Variants in SPMIP4 observed in about 807,000 individuals in gnomAD.
SPMIP4 encodes sperm microtubule inner protein 4, also known as sperm-associated microtubule inner protein 4.
At chr7:25,157,346 C>T in the SPMIP4 span, among the ~76,000 whole-genome samples, 2 of 152,120 alleles carry the variant, frequency 1.3e-5, no homozygotes, top group Non-Finnish European at 2.9e-5. Flanking sequence ...ATCCAGATGC[C>T]TTAAGTGTGG....
At chr7:25,148,575 T>C in the SPMIP4 span, among the ~76,000 whole-genome samples, 10 of 149,086 alleles carry the variant, frequency 6.7e-5, no homozygotes, top group African/African-American at 2.2e-4. Context: ...CCCGAGTTCA[T>C]GCGATTCTCC....
At chr7:25,176,294 T>C in the SPMIP4 span, among the ~76,000 whole-genome samples, 1 of 152,212 alleles carries the variant, frequency 6.6e-6, no homozygotes. The surrounding 1 kb of genome is among the most constrained non-coding windows in gnomAD (Gnocchi z 4.4). Flanking sequence ...CAGCCCTAAA[T>C]TCTTGGATTC....
At chr7:25,125,984 A>G in the SPMIP4 span, 1 of 984,152 alleles carries the variant, frequency 1.0e-6, no homozygotes, top group Non-Finnish European at 1.2e-6. Flanking sequence ...GGAACTGAAA[A>G]ATAAAATTAA....
the SPMIP4 span, among the ~76,000 whole-genome samples, chr7:25,168,943 T>C: frequency 6.7e-6 from 1 of 149,744 alleles, no homozygotes; most frequent in Non-Finnish European, 1.5e-5. Flanking sequence ...GCCAGGCTGG[T>C]CTCGAACTCC....
the SPMIP4 span, chr7:25,142,566 G>A: frequency 7.7e-7 from 1 of 1,301,576 alleles, no homozygotes; most frequent in Non-Finnish European, 1.1e-6. Flanking sequence ...ATGAGAAGTT[G>A]AAAGCTTGTC....
the SPMIP4 span, chr7:25,136,528 A>G: frequency 1.7e-4 from 267 of 1,614,074 alleles, no homozygotes; most frequent in Admixed American, 6.7e-5. The surrounding 1 kb of genome is among the most constrained non-coding windows in gnomAD (Gnocchi z 5.7). Context: ...ATAGGTAGAC[A>G]GCAAGCTCTG....
chr7:25,147,433 G>A, the SPMIP4 span, among the ~76,000 whole-genome samples: 1 of 152,188 alleles, frequency 6.6e-6, no homozygotes, highest in Non-Finnish European at 1.5e-5. Flanking sequence ...CCCGAATAGA[G>A]TGATAAGTAC....
At chr7:25,134,192 G>A in the SPMIP4 span, among the ~76,000 whole-genome samples, 1 of 151,662 alleles carries the variant, frequency 6.6e-6, no homozygotes, top group African/African-American at 2.4e-5. Context: ...CCCAGGAGGC[G>A]GAGGTTGCAG....
the SPMIP4 span, among the ~76,000 whole-genome samples, chr7:25,146,309 G>A: frequency 2.6e-5 from 4 of 152,306 alleles, no homozygotes; most frequent in Non-Finnish European, 2.9e-5. Flanking sequence ...GGAACACTGC[G>A]GGTGTGAGAC....
At chr7:25,144,864 T>C in the SPMIP4 span, among the ~76,000 whole-genome samples, 3 of 152,206 alleles carry the variant, frequency 2.0e-5, no homozygotes, top group Non-Finnish European at 2.9e-5. Flanking sequence ...TTAACAAATA[T>C]GTGGCTTACT....
chr7:25,178,805 G>A, the SPMIP4 span, among the ~76,000 whole-genome samples: 1 of 152,118 alleles, frequency 6.6e-6, no homozygotes, highest in Non-Finnish European at 1.5e-5. Flanking sequence ...TTGGGAGGCC[G>A]AGGTGGGTGG....
the SPMIP4 span, chr7:25,136,679 A>G: frequency 6.2e-7 from 1 of 1,614,208 alleles, no homozygotes; most frequent in Admixed American, 1.7e-5. The surrounding 1 kb of genome is among the most constrained non-coding windows in gnomAD (Gnocchi z 5.7). Context: ...CAATCTGGAC[A>G]GGAACGTGGT....
the SPMIP4 span, chr7:25,158,662 G>A: frequency 1.5e-6 from 1 of 660,114 alleles, no homozygotes; most frequent in Non-Finnish European, 2.7e-6. Context: ...CACTTTGGGA[G>A]GCCAAGGTGG....
chr7:25,136,923 C>G, the SPMIP4 span: 2 of 846,600 alleles, frequency 2.4e-6, no homozygotes, highest in Non-Finnish European at 3.6e-6. The surrounding 1 kb of genome is among the most constrained non-coding windows in gnomAD (Gnocchi z 5.7). Flanking sequence ...TTGCAATGCT[C>G]TTTGATACTA....
the SPMIP4 span, among the ~76,000 whole-genome samples, chr7:25,149,975 A>G: frequency 6.6e-6 from 1 of 152,198 alleles, no homozygotes; most frequent in Non-Finnish European, 1.5e-5. Context: ...TAACAGAAAC[A>G]AAGAGGGTTG....
At chr7:25,153,135 G>C in the SPMIP4 span, among the ~76,000 whole-genome samples, 1 of 152,104 alleles carries the variant, frequency 6.6e-6, no homozygotes, top group Non-Finnish European at 1.5e-5. Flanking sequence ...TTTTTTATAA[G>C]GGTTGTTAGA....
At chr7:25,161,177 A>T in the SPMIP4 span, 120 of 1,497,568 alleles carry the variant, frequency 8.0e-5, 1 homozygote, top group Non-Finnish European at 7.4e-5. Flanking sequence ...AAGGAAAAAA[A>T]CCCAGACTTA....
the SPMIP4 span, chr7:25,161,149 T>C: frequency 9.0e-6 from 11 of 1,227,028 alleles, no homozygotes; most frequent in Non-Finnish European, 1.3e-5. Context: ...CACTTAAAAA[T>C]GTTATTTGAT....
chr7:25,126,397 G>C, the SPMIP4 span, among the ~76,000 whole-genome samples: 3 of 151,936 alleles, frequency 2.0e-5, no homozygotes, highest in Admixed American at 6.6e-5. Context: ...GGCTGGTCTC[G>C]AACTCCTGAC....
Sources: allele counts gnomAD v4.1 joint callset (sites outside exome capture counted in the v4.1 genomes callset), GRCh38; gene constraint gnomAD v4.1.1; non-coding constraint Gnocchi (gnomAD v3.1); transcripts MANE v1.5; gene names NCBI Gene and HGNC (gene_info 2026-07-23, HGNC 2026-07-21).